PCDHA10: variants seen among roughly 807,000 people sequenced by gnomAD.
PCDHA10 encodes the protein protocadherin alpha 10.
A neutral mutation model predicts 61.2 loss-of-function variants in PCDHA10; 45 were observed. That is an observed-to-expected ratio of 0.74 (90% confidence interval 0.58 to 0.94). PCDHA10 has a LOEUF of 0.94. PCDHA10 is among the 40% of genes least tolerant of loss of function. The pLI is 0.00. For missense variants in PCDHA10, 1,278 were observed against 1,236.2 expected (o/e 1.03, Z -0.51); for synonymous variants, 602 against 548.8 (o/e 1.10, Z -1.35).
At chr5:140,999,088 G>T (rs1429141341) in intron 3 of PCDHA10, among the ~76,000 whole-genome samples, 1 of 152,156 alleles carries the variant, frequency 6.6e-6, no homozygotes, top group Non-Finnish European at 1.5e-5. Context: ...TCCTTCAGAG[G>T]GCTATGGAGA....
rs187904552 is a variant in PCDHA10 at position 140,875,781 on chromosome 5, T to C, written c.2388+17345T>C. ...TGTGCGGGCGGAGCGCGGAGTGCAGTATCCACCTGGAGGTGATCGTGGACA... is the reference window on the plus strand; with the variant it reads ...TGTGCGGGCGGAGCGCGGAGTGCAGCATCCACCTGGAGGTGATCGTGGACA... On this transcript the variant is annotated intron_variant, in intron 1 of 3. Coordinates refer to ENST00000307360, the MANE Select transcript of PCDHA10 (RefSeq NM_018901.4). 4.7e-3 allele frequency: 7,631 copies of C among 1,614,134 alleles called. 28 individuals carry two copies. Among genetic ancestry groups the C allele is most frequent in the Middle Eastern group, 6.4e-3 (39 of 6,062 alleles).
At chr5:140,868,986 C>T in intron 1 of PCDHA10, 1 of 1,503,326 alleles carries the variant, frequency 6.7e-7, no homozygotes. Flanking sequence ...TACCGGATGC[C>T]ACCGTTTAAG....
In PCDHA10 at chr5:140,856,112, GCC is replaced by G. The variant is rs2043785671; in HGVS notation, c.65_66del (p.Ala22ValfsTer68). 1 of 1,598,078 alleles carries G rather than the reference GCC, an allele frequency of 6.3e-7. No individual in the cohort carries two copies. Among genetic ancestry groups the G allele is most frequent in the Non-Finnish European group, 8.6e-7 (1 of 1,167,768 alleles). On this transcript the variant is annotated frameshift_variant, in exon 1 of 4. Transcript: ENST00000307360. LOFTEE classifies it high-confidence loss of function. ...CLLLSLLLLA[A>X]WEVGSGQLHY... Reference sequence around the variant, plus strand: ...GCTGCTCTCGCTTCTTCTCCTCGCAGCCTGGGAGGTGGGGAGCGGCCAGCTCC... The same window carrying G: ...GCTGCTCTCGCTTCTTCTCCTCGCAGTGGGAGGTGGGGAGCGGCCAGCTCC...
intron 1 of PCDHA10, among the ~76,000 whole-genome samples, chr5:140,950,537 C>T (rs1439965496): frequency 1.3e-5 from 2 of 152,002 alleles, no homozygotes; most frequent in Non-Finnish European, 1.5e-5. Flanking sequence ...TTTTGTTGCT[C>T]TTGCATGGCT....
intron 1 of PCDHA10, among the ~76,000 whole-genome samples, chr5:140,956,920 T>C (rs2095320734): frequency 1.3e-5 from 2 of 152,120 alleles, no homozygotes; most frequent in Non-Finnish European, 2.9e-5. Flanking sequence ...ACTTTAATCT[T>C]GCTGGATATA....
chr5:140,905,334 C>A (rs2071752505), intron 1 of PCDHA10, among the ~76,000 whole-genome samples: 1 of 152,144 alleles, frequency 6.6e-6, no homozygotes, highest in East Asian at 1.9e-4. Context: ...TGTTGAAGAT[C>A]AGTTGGCTGT....
intron 1 of PCDHA10, among the ~76,000 whole-genome samples, chr5:140,887,550 TACTG>T (rs2061493394): frequency 1.3e-5 from 2 of 152,206 alleles, no homozygotes; most frequent in Non-Finnish European, 2.9e-5. Flanking sequence ...CCCTCATGGT[TACTG>T]TTAAAACTTT....
intron 1 of PCDHA10, chr5:140,928,747 C>T (rs781895762): frequency 2.5e-6 from 4 of 1,614,132 alleles, no homozygotes; most frequent in African/African-American, 2.7e-5. Context: ...AGGTGAGCTC[C>T]GTACTGCTCG....
At chr5:140,885,189 C>T (rs1554182051) in intron 1 of PCDHA10, among the ~76,000 whole-genome samples, 1 of 151,992 alleles carries the variant, frequency 6.6e-6, no homozygotes, top group Non-Finnish European at 1.5e-5. Context: ...CATCAGTGTT[C>T]CCCTCTCATA....
intron 3 of PCDHA10, among the ~76,000 whole-genome samples, chr5:140,986,404 G>GT (rs2097199196): frequency 6.6e-6 from 1 of 152,190 alleles, no homozygotes; most frequent in Non-Finnish European, 1.5e-5. Context: ...AGTCGCTCAT[G>GT]TTACAGCTCT....
intron 1 of PCDHA10, among the ~76,000 whole-genome samples, chr5:140,893,701 C>A (rs1297465606): frequency 6.6e-6 from 1 of 152,104 alleles, no homozygotes; most frequent in African/African-American, 2.4e-5. Context: ...TCTATCCTAG[C>A]CTGTAAAGCT....
rs549755742 is a variant in PCDHA10 at position 140,943,684 on chromosome 5, T to C, written c.2389-35265T>C. ...ATGTATAAAGTGTGAAAAAAAGGGA[T>C]AAGGTCAAAATATTGTGGAACACAT... On this transcript the variant is annotated intron_variant, in intron 1 of 3. Transcript: ENST00000307360. Among the ~76,000 whole-genome samples, 254 of 152,102 alleles carry C rather than the reference T, an allele frequency of 1.7e-3. 2 individuals carry two copies. The highest frequency in any genetic ancestry group is 2.9e-4 in the Non-Finnish European group (20 of 67,984).
chr5:140,983,228 A>G (rs1012242202), intron 3 of PCDHA10, among the ~76,000 whole-genome samples: 1 of 152,240 alleles, frequency 6.6e-6, no homozygotes, highest in South Asian at 2.1e-4. Flanking sequence ...CCAAACTTTC[A>G]GGAAAGAGAA....
At chr5:140,890,629 A>G (rs6883083) in intron 1 of PCDHA10, among the ~76,000 whole-genome samples, 2 of 152,158 alleles carry the variant, frequency 1.3e-5, no homozygotes, top group Admixed American at 1.3e-4. Context: ...AAAATTAAGC[A>G]TGTATCCTTG....
chr5:140,992,127 T>G (rs1237289084), intron 3 of PCDHA10, among the ~76,000 whole-genome samples: 1 of 151,584 alleles, frequency 6.6e-6, no homozygotes, highest in Non-Finnish European at 1.5e-5. Flanking sequence ...GGAAGAACAG[T>G]GACTGATGAT....
intron 1 of PCDHA10, among the ~76,000 whole-genome samples, chr5:140,891,677 TTCTC>T (rs1335607297): frequency 2.6e-5 from 4 of 152,240 alleles, no homozygotes; most frequent in African/African-American, 9.6e-5. Context: ...AGTTTAATAA[TTCTC>T]TCTTCTTGCT....
Position 141,010,515 on chromosome 5 carries a change from CAA to C in PCDHA10, c.*579_*580del, listed in dbSNP as rs1554262971. ...ACCAGACTTTCTAAATCTTACAACTCAAGAGGTGGCAGCCACCCTCTAGGAGA... is the reference window on the plus strand; with the variant it reads ...ACCAGACTTTCTAAATCTTACAACTCGAGGTGGCAGCCACCCTCTAGGAGA... On this transcript the variant is annotated 3_prime_UTR_variant, in exon 4 of 4. Transcript: ENST00000307360. 4.1e-6 allele frequency: 2 copies of C among 483,800 alleles called. No individual in the cohort carries two copies. Among genetic ancestry groups the C allele is most frequent in the African/African-American group, 2.0e-5 (1 of 51,026 alleles). 30.0% of individuals were successfully genotyped at this position (483,800 alleles called of 1,614,324 possible).
At chr5:140,872,883 A>G (rs1249618014) in intron 1 of PCDHA10, among the ~76,000 whole-genome samples, 1 of 152,204 alleles carries the variant, frequency 6.6e-6, no homozygotes, top group Non-Finnish European at 1.5e-5. Flanking sequence ...AGTTTCATTC[A>G]TCTCACTTTG....
At chr5:140,975,208 G>A (rs1449804050) in intron 1 of PCDHA10, among the ~76,000 whole-genome samples, 1 of 152,170 alleles carries the variant, frequency 6.6e-6, no homozygotes, top group African/African-American at 2.4e-5. Context: ...TTCATGGCTG[G>A]CACTGGAGAA....
Sources: allele counts gnomAD v4.1 joint callset (sites outside exome capture counted in the v4.1 genomes callset), GRCh38; gene constraint gnomAD v4.1.1; transcripts MANE v1.5; gene names NCBI Gene and HGNC (gene_info 2026-07-23, HGNC 2026-07-21).